GALC: variants seen among roughly 807,000 people sequenced by gnomAD.
GALC encodes galactosylceramidase.
In GALC, 77 loss-of-function variants were observed where a neutral mutation model predicts 91.8. That is an observed-to-expected ratio of 0.84 (90% CI 0.70 to 1.01). The LOEUF (loss-of-function observed/expected upper bound fraction) is 1.01. Among genes scored for constraint, GALC ranks in the 50% least tolerant of loss-of-function variants. The pLI is 0.00. For synonymous variants in GALC, 357 were observed against 306.7 expected (o/e 1.16, Z -1.71); for missense variants, 882 against 855.9 (o/e 1.03, Z -0.38).
At position 87,984,484 on chromosome 14, in the gene GALC, A is replaced by G; in HGVS notation, c.492T>C (p.Pro164=). ...AGGCAGTCAGCTGAAGATTGACATA[A>G]GGCCAGTCGAAACCTTTTCCCAGCC... ...PGWLGKGFDW[P]YVNLQLTAYY... The change falls in exon 5 of 17, where the codon CCT becomes CCC. Residue 164 remains proline, a synonymous_variant. Coordinates refer to ENST00000261304, the MANE Select transcript of GALC (RefSeq NM_000153.4). 6.2e-7 allele frequency: 1 copy of G among 1,614,200 alleles called. No homozygotes were observed. Among genetic ancestry groups the G allele is most frequent in the Non-Finnish European group, 8.5e-7 (1 of 1,180,026 alleles).
intron 1 of GALC, among the ~76,000 whole-genome samples, chr14:87,990,126 C>T (rs1887136608): frequency 6.6e-6 from 1 of 152,168 alleles, no homozygotes; most frequent in Non-Finnish European, 1.5e-5. Context: ...ATCTTTATTA[C>T]AACACTTTGA....
intron 3 of GALC, chr14:87,986,831 C>G (rs984554588): frequency 5.4e-6 from 3 of 555,126 alleles, no homozygotes; most frequent in Admixed American, 2.9e-5. Context: ...TTAATAAAAC[C>G]ACAACCTTCT....
At chr14:87,954,073 G>C in intron 10 of GALC, 1 of 1,609,854 alleles carries the variant, frequency 6.2e-7, no homozygotes, top group Non-Finnish European at 8.5e-7. Flanking sequence ...ACATTTAGCA[G>C]TCAGTTATTA....
At chr14:87,964,474 T>G (rs1192734701) in intron 9 of GALC, among the ~76,000 whole-genome samples, 1 of 152,144 alleles carries the variant, frequency 6.6e-6, no homozygotes, top group Non-Finnish European at 1.5e-5. Flanking sequence ...ACAAAAAAAC[T>G]GCAGAAAAGT....
At chr14:87,967,095 C>G (rs115376746) in intron 8 of GALC, among the ~76,000 whole-genome samples, 5,349 of 152,084 alleles carry the variant, frequency 0.035, 322 homozygotes, top group African/African-American at 0.12. Context: ...GGAAATGGTG[C>G]TTTATGTAAC....
intron 10 of GALC, 94 bp downstream of exon 10, chr14:87,963,290 G>T: frequency 7.6e-7 from 1 of 1,307,672 alleles, no homozygotes; most frequent in Non-Finnish European, 1.1e-6. Flanking sequence ...GTATGCTTAT[G>T]TATTTACATG....
At chr14:87,988,661 TTGTC>T in intron 1 of GALC, 138 bp from the exon 2 acceptor site, 1 of 731,194 alleles carries the variant, frequency 1.4e-6, no homozygotes, top group Non-Finnish European at 2.5e-6. Context: ...TCCTCACAAG[TTGTC>T]TGTCTGCCCT....
At chr14:87,993,607 T>G (rs190650889), upstream of GALC, 1 of 778,172 alleles carries the variant, frequency 1.3e-6, no homozygotes, top group African/African-American at 1.7e-5. Context: ...TTTTCCCTTA[T>G]GTGAGATGAG....
At chr14:87,962,578 TACACAC>T (rs36205603) in intron 10 of GALC, among the ~76,000 whole-genome samples, 4,821 of 146,428 alleles carry the variant, frequency 0.033, 98 homozygotes, top group African/African-American at 0.047. Context: ...CCTGATATGA[TACACAC>T]ACACACACAC....
intron 10 of GALC, among the ~76,000 whole-genome samples, chr14:87,956,157 G>A (rs1885528906): frequency 6.6e-6 from 1 of 151,956 alleles, no homozygotes; most frequent in Admixed American, 6.6e-5. Context: ...CTTACAGTGA[G>A]GTGTGATCAA....
chr14:87,992,384 A>C, intron 1 of GALC: 1 of 1,535,650 alleles, frequency 6.5e-7, no homozygotes, highest in East Asian at 2.4e-5. Context: ...CTTCCTTTTA[A>C]AGAGACCTTG....
chr14:87,952,481 C>T (rs1356794671), intron 10 of GALC: 2 of 579,486 alleles, frequency 3.5e-6, no homozygotes, highest in Non-Finnish European at 6.4e-6. Flanking sequence ...ATAAGCTAAA[C>T]CACAACCCTG....
At chr14:87,992,695 A>C (rs1595245440) in intron 1 of GALC, 1 of 1,433,992 alleles carries the variant, frequency 7.0e-7, no homozygotes, top group Non-Finnish European at 9.1e-7. Context: ...CACTACTTAG[A>C]CCTGTCACTT....
intron 3 of GALC, 46 bp downstream of exon 3, chr14:87,988,098 G>T: frequency 1.4e-6 from 2 of 1,424,818 alleles, no homozygotes; most frequent in Non-Finnish European, 2.0e-6. Flanking sequence ...CTGAGGTATA[G>T]ATTAAAATGT....
In GALC at chr14:87,963,523, C is replaced by T. The variant is rs1197722814; in HGVS notation, c.1034-12G>A. 1 of 1,607,278 alleles carries T rather than the reference C, an allele frequency of 6.2e-7. No homozygotes were observed. The highest frequency in any genetic ancestry group is 1.3e-5 in the African/African-American group (1 of 74,326). ...CTGAGTGGTATGAGCTATAGAAAAA[C>T]AGAAAGTTCCAAATAAGACAAAAAT... On this transcript the variant is annotated splice_polypyrimidine_tract_variant and intron_variant, in intron 9 of 16. Coordinates refer to ENST00000261304, the MANE Select transcript of GALC (RefSeq NM_000153.4).
chr14:87,958,697 C>T (rs1885667250), intron 10 of GALC, among the ~76,000 whole-genome samples: 1 of 151,852 alleles, frequency 6.6e-6, no homozygotes, highest in South Asian at 2.1e-4. Flanking sequence ...AAATTCATGC[C>T]CTATGACCAA....
chr14:87,942,679 T>C (rs1383392031), intron 14 of GALC, among the ~76,000 whole-genome samples: 1 of 152,000 alleles, frequency 6.6e-6, no homozygotes, highest in Non-Finnish European at 1.5e-5. Flanking sequence ...TTATGTGGCT[T>C]TTACATTTCT....
intron 13 of GALC, 152 bp downstream of exon 13, chr14:87,947,576 A>T (rs1885121740): frequency 1.3e-6 from 1 of 745,298 alleles, no homozygotes; most frequent in African/African-American, 1.8e-5. Flanking sequence ...TAATGCAAAA[A>T]ATTAGCCCTC....
chr14:87,934,500 T>G lies in GALC; in HGVS notation c.*232A>C. ...GTATGGCCAATGCACAGTTTGAATG[T>G]TAGGGAACACACCAGGTAATGTTAA... On this transcript the variant is annotated 3_prime_UTR_variant, in exon 17 of 17. Transcript: ENST00000261304. The G allele has an allele frequency of 7.1e-7, 1 of 1,407,170 alleles. No homozygotes were observed. Among genetic ancestry groups the G allele is most frequent in the Non-Finnish European group, 9.2e-7 (1 of 1,083,842 alleles). The allele number at this position is 1,407,170 out of a possible 1,614,324, so 87.2% of individuals were successfully genotyped here.
Sources: gnomAD v4.1 joint callset for allele counts (sites outside exome capture counted in the v4.1 genomes callset) on GRCh38, gnomAD v4.1.1 for gene constraint, MANE v1.5 for transcripts, NCBI Gene and HGNC (gene_info 2026-07-23, HGNC 2026-07-21) for gene names.